Variants in TNFRSF19 observed in about 807,000 individuals in gnomAD.
The protein encoded by TNFRSF19 is TNF receptor superfamily member 19, also known as tumor necrosis factor receptor superfamily member 19.
In TNFRSF19, 27 loss-of-function variants were observed where a neutral mutation model predicts 46.4. The observed-to-expected ratio is 0.58, with a 90% CI of 0.43 to 0.80. TNFRSF19 has a LOEUF of 0.80. Ranked by LOEUF, TNFRSF19 falls within the 30% of genes least tolerant of loss-of-function variation. The probability of loss-of-function intolerance (pLI) is 0.00; values close to 1 mark genes in which losing one functional copy is unlikely to be tolerated. For missense variants in TNFRSF19, 511 were observed against 530.8 expected (o/e 0.96, Z 0.37); for synonymous variants, 204 against 205.0 (o/e 1.00, Z 0.04).
Position 23,659,134 on chromosome 13 carries a change from C to T in TNFRSF19, c.530C>T (p.Ala177Val). The T allele has an allele frequency of 6.2e-7, 1 of 1,614,152 alleles. No homozygotes were observed. Among genetic ancestry groups the T allele is most frequent in the East Asian group, 2.2e-5 (1 of 44,888 alleles). The change falls in exon 6 of 10, where the codon GCT becomes GTT. Residue 177 changes from alanine to valine, a missense_variant. Coordinates refer to ENST00000248484, the MANE Select transcript of TNFRSF19 (RefSeq NM_148957.4). This position sits in a 1 kb window ranked among gnomAD's most constrained non-coding sequence, Gnocchi z 4.9. ...DTALAAVICSALATVLLALLI... is the reference protein window; with the variant it reads ...DTALAAVICSVLATVLLALLI... ...GCGCTGGCTGCCGTTATCTGCAGCGCTCTGGCCACCGTCCTGCTGGCCCTG... is the reference window on the plus strand; with the variant it reads ...GCGCTGGCTGCCGTTATCTGCAGCGTTCTGGCCACCGTCCTGCTGGCCCTG...
At chr13:23,610,188 C>T (rs1880798587) in intron 3 of TNFRSF19, among the ~76,000 whole-genome samples, 2 of 152,190 alleles carry the variant, frequency 1.3e-5, no homozygotes, top group African/African-American at 4.8e-5. Context: ...CAACCCAAGG[C>T]CCAGAATGTG....
At position 23,670,192 on chromosome 13, in the gene TNFRSF19, T is replaced by G. The variant is rs1040029805; in HGVS notation, c.1245+1095T>G. The stretch of plus-strand genomic sequence containing the variant: ...GATCTAAGTCTGCAGTACTTGTTTT[T>G]GTTTTTGGTTTTTGGGTTTTGAAAC... On this transcript the variant is annotated intron_variant, in intron 9 of 9. Transcript: ENST00000248484. Among the ~76,000 whole-genome samples, 10 of 152,370 alleles carry G rather than the reference T, an allele frequency of 6.6e-5. No individual in the cohort carries two copies. In the East Asian group the frequency reaches 1.5e-3, roughly 23 times the overall value.
intron 2 of TNFRSF19, among the ~76,000 whole-genome samples, chr13:23,591,582 G>A (rs1206489328): frequency 6.6e-6 from 1 of 152,110 alleles, no homozygotes; most frequent in African/African-American, 2.4e-5. Flanking sequence ...CTAAGAGGAA[G>A]GTTGTGTAAT....
At chr13:23,672,598 C>T (rs1176373081) in intron 9 of TNFRSF19, among the ~76,000 whole-genome samples, 1 of 152,188 alleles carries the variant, frequency 6.6e-6, no homozygotes, top group Admixed American at 6.5e-5. Flanking sequence ...GGAAGTGTTT[C>T]ATAAGATTTT....
intron 7 of TNFRSF19, among the ~76,000 whole-genome samples, chr13:23,664,342 T>C (rs1430786538): frequency 6.6e-6 from 1 of 152,206 alleles, no homozygotes; most frequent in Non-Finnish European, 1.5e-5. Flanking sequence ...TCTATTTTTA[T>C]TGCACTGTGG....
intron 5 of TNFRSF19, among the ~76,000 whole-genome samples, chr13:23,648,478 G>GT (rs1230767642): frequency 6.6e-6 from 1 of 152,182 alleles, no homozygotes; most frequent in East Asian, 1.9e-4. Flanking sequence ...AGTTCTAACA[G>GT]TTTTTTGTGG....
At chr13:23,643,876 A>G (rs1192152493) in intron 5 of TNFRSF19, among the ~76,000 whole-genome samples, 2 of 152,144 alleles carry the variant, frequency 1.3e-5, no homozygotes, top group African/African-American at 4.8e-5. Flanking sequence ...CATCTTTTAC[A>G]TTTCACTTTA....
chr13:23,590,476 AG>A (rs990866566), intron 2 of TNFRSF19, among the ~76,000 whole-genome samples: 4 of 152,134 alleles, frequency 2.6e-5, no homozygotes, highest in African/African-American at 9.7e-5. Flanking sequence ...CTGGGATTAC[AG>A]GCACCCACCA....
chr13:23,582,031 C>T (rs1165036155), intron 1 of TNFRSF19, among the ~76,000 whole-genome samples: 2 of 152,024 alleles, frequency 1.3e-5, no homozygotes, highest in Admixed American at 6.6e-5. Flanking sequence ...GATAAGAGAG[C>T]CAGGGAACAG....
At chr13:23,576,325 G>T (rs1297496049) in intron 1 of TNFRSF19, among the ~76,000 whole-genome samples, 2 of 152,060 alleles carry the variant, frequency 1.3e-5, no homozygotes, top group Non-Finnish European at 2.9e-5. Flanking sequence ...CAGAGACGAG[G>T]TTTCGCCATG....
At chr13:23,574,219 G>T (rs1023060717) in intron 1 of TNFRSF19, among the ~76,000 whole-genome samples, 5 of 151,864 alleles carry the variant, frequency 3.3e-5, no homozygotes, top group African/African-American at 1.2e-4. Flanking sequence ...ACATATACAA[G>T]ATTATTACTA....
At chr13:23,630,470 A>G (rs1173613096) in intron 5 of TNFRSF19, among the ~76,000 whole-genome samples, 2 of 152,112 alleles carry the variant, frequency 1.3e-5, no homozygotes, top group South Asian at 2.1e-4. Flanking sequence ...CGCCTCCCCA[A>G]TAACAATGGA....
chr13:23,654,004 G>A (rs1404165064), intron 5 of TNFRSF19, among the ~76,000 whole-genome samples: 1 of 152,140 alleles, frequency 6.6e-6, no homozygotes, highest in Non-Finnish European at 1.5e-5. Context: ...GTGTCTGCGT[G>A]AGGAGCTTGC....
intron 3 of TNFRSF19, among the ~76,000 whole-genome samples, chr13:23,599,587 C>T (rs2035323531): frequency 6.6e-6 from 1 of 152,030 alleles, no homozygotes; most frequent in Admixed American, 6.6e-5. Flanking sequence ...TTCTGATTGG[C>T]TATTGGTTAT....
chr13:23,587,020 G>A (rs1878893391), intron 1 of TNFRSF19, among the ~76,000 whole-genome samples: 1 of 151,976 alleles, frequency 6.6e-6, no homozygotes, highest in Non-Finnish European at 1.5e-5. Context: ...GAGACTGGAG[G>A]TTTTGGCAAA....
intron 5 of TNFRSF19, among the ~76,000 whole-genome samples, chr13:23,648,828 A>C (rs536149109): frequency 2.6e-5 from 4 of 152,310 alleles, no homozygotes; most frequent in Admixed American, 2.6e-4. Context: ...ATCAGCATAA[A>C]TAATTTTGTT....
In TNFRSF19 at chr13:23,674,726, A is replaced by C. The variant is rs993927601; in HGVS notation, c.*1346A>C. 1.3e-5 allele frequency: 2 copies of C among 152,212 alleles called. No individual in the cohort carries two copies. The highest frequency in any genetic ancestry group is 4.8e-5 in the African/African-American group (2 of 41,456). 9.4% of individuals were successfully genotyped at this position (152,212 alleles called of 1,614,324 possible). Reference sequence around the variant, plus strand: ...TCTGAACATCAGTATGTTCGAGGGTACTATGATATTTTGGTTTGGAATTGC... The same window carrying C: ...TCTGAACATCAGTATGTTCGAGGGTCCTATGATATTTTGGTTTGGAATTGC... On this transcript the variant is annotated 3_prime_UTR_variant, in exon 10 of 10. Coordinates refer to ENST00000248484, the MANE Select transcript of TNFRSF19 (RefSeq NM_148957.4).
intron 5 of TNFRSF19, among the ~76,000 whole-genome samples, chr13:23,652,694 G>A (rs575762424): frequency 7.2e-5 from 11 of 152,260 alleles, no homozygotes; most frequent in African/African-American, 1.4e-4. Context: ...TGTCATTAGC[G>A]ACATAGCCCA....
At chr13:23,587,733 G>A (rs1315187906) in intron 1 of TNFRSF19, among the ~76,000 whole-genome samples, 2 of 152,264 alleles carry the variant, frequency 1.3e-5, no homozygotes, top group South Asian at 2.1e-4. Context: ...ACTGGTTCTC[G>A]TATTTGTTTC....
Sources: gnomAD v4.1 joint callset for allele counts (sites outside exome capture counted in the v4.1 genomes callset) on GRCh38, gnomAD v4.1.1 for gene constraint, Gnocchi (gnomAD v3.1) non-coding constraint, MANE v1.5 for transcripts, NCBI Gene and HGNC (gene_info 2026-07-23, HGNC 2026-07-21) for gene names.